FGL1: variants seen among roughly 807,000 people sequenced by gnomAD.
The protein encoded by FGL1 is fibrinogen-like protein 1.
A neutral mutation model predicts 43.7 loss-of-function variants in FGL1; 59 were observed. The ratio of observed to expected loss-of-function variants is 1.35; its 90% CI spans 1.10 to 1.68. FGL1 has a LOEUF of 1.68. FGL1 is among the 40% of genes most tolerant of loss of function. The probability of loss-of-function intolerance (pLI) is 0.00; values close to 1 mark genes in which losing one functional copy is unlikely to be tolerated. For synonymous variants in FGL1, 192 were observed against 126.5 expected, an observed-to-expected ratio of 1.52 and a Z score of -3.48; for missense variants, 596 against 373.0, an observed-to-expected ratio of 1.60 and a Z score of -4.92.
At chr8:17,874,664 G>A in intron 3 of FGL1, 143 bp from the exon 4 acceptor site, 1 of 493,840 alleles carries the variant, frequency 2.0e-6, no homozygotes, top group Non-Finnish European at 3.3e-6. Flanking sequence ...ATTGCATCTT[G>A]TACATCTTCC....
intron 3 of FGL1, among the ~76,000 whole-genome samples, chr8:17,875,481 C>CTCTTTCTTTCTTTCTTTTTCTT: frequency 7.7e-6 from 1 of 129,816 alleles, no homozygotes; most frequent in African/African-American, 3.2e-5. Flanking sequence ...AAAGTGATAT[C>CTCTTTCTTTCTTTCTTTTTCTT]TCTTTCTTTC....
At chr8:17,871,101 G>A (rs760872670) in intron 5 of FGL1, among the ~76,000 whole-genome samples, 1 of 152,040 alleles carries the variant, frequency 6.6e-6, no homozygotes, top group Admixed American at 6.6e-5. Context: ...CAATTTCCTT[G>A]CCCCAGGGAG....
rs199781222 is a variant in FGL1, at chr8:17,874,379, G to A, written c.387C>T (p.Gly129=). The change falls in exon 4 of 8, where the codon GGC becomes GGT. Residue 129 remains glycine (G), a synonymous_variant. Coordinates refer to ENST00000427924, the MANE Select transcript of FGL1 (RefSeq NM_004467.4). ...GWTVIQRRSD[G]SENFNRGWKD... ...TAGCACACCTGTTAAAGTTTTCACTGCCATCAGATCGTCTCTGAATTACAG... is the reference window on the plus strand; with the variant it reads ...TAGCACACCTGTTAAAGTTTTCACTACCATCAGATCGTCTCTGAATTACAG... 9.2e-5 allele frequency: 148 copies of A among 1,612,930 alleles called. 2 individuals are homozygous for A. In the East Asian group the frequency reaches 2.7e-3, roughly 29 times the overall value.
chr8:17,888,940 T>G (rs1191347722), intron 1 of FGL1, among the ~76,000 whole-genome samples: 1 of 152,234 alleles, frequency 6.6e-6, no homozygotes, highest in Non-Finnish European at 1.5e-5. Flanking sequence ...ACCTACAGCA[T>G]GCTTTAGTAT....
rs778694966 is a variant in FGL1 at position 17,885,519 on chromosome 8, G to A, written c.36C>T (p.Thr12=). 1.1e-5 allele frequency: 17 copies of A among 1,613,326 alleles called. No individual in the cohort carries two copies. In the Admixed American group the frequency reaches 1.2e-4, roughly 11 times the overall value. The change falls in exon 2 of 8, where the codon ACC becomes ACT. Residue 12 remains threonine (T), a synonymous_variant. Transcript: ENST00000427924. ...AAATTTCCCTGCCCATTGTCAGAGCGGTGGTAACAAGGATGAAACTGAACA... is the reference window on the plus strand; with the variant it reads ...AAATTTCCCTGCCCATTGTCAGAGCAGTGGTAACAAGGATGAAACTGAACA... ...AKVFSFILVT[T]ALTMGREISA... is the part of the protein sequence containing the mutation.
chr8:17,868,550 G>A lies in FGL1; in HGVS notation c.777C>T (p.Asn259=), dbSNP rs1445594684. 1.2e-6 allele frequency: 2 copies of A among 1,609,962 alleles called. No homozygotes were observed. Among genetic ancestry groups the A allele is most frequent in the Non-Finnish European group, 1.7e-6 (2 of 1,178,378 alleles). Reference sequence around the variant, plus strand: ...ACTATGCTCATAAGACATCAAACCTGTTAAACCACCAGCCAGACTGATCTT... The same window carrying A: ...ACTATGCTCATAAGACATCAAACCTATTAAACCACCAGCCAGACTGATCTT... The part of the protein sequence containing the change: ...AEEDQSGWWF[N]RCHSANLNGV... Residue 259 remains asparagine (N), a splice_region_variant and synonymous_variant, in exon 7 of 8, where the codon AAC becomes AAT. Transcript: ENST00000427924.
At chr8:17,867,666 G>A (rs1326218005) in intron 7 of FGL1, among the ~76,000 whole-genome samples, 3 of 152,174 alleles carry the variant, frequency 2.0e-5, no homozygotes, top group Non-Finnish European at 2.9e-5. Flanking sequence ...CTTCTACTAA[G>A]TGTCTTGGGG....
chr8:17,874,151 A>T (rs746134514), intron 4 of FGL1, 35 bp from the exon 5 acceptor site: 1 of 1,560,058 alleles, frequency 6.4e-7, no homozygotes, highest in South Asian at 1.1e-5. Context: ...ATTAGAGCAA[A>T]CTCCATTTGT....
At chr8:17,875,208 A>G (rs970287254) in intron 3 of FGL1, among the ~76,000 whole-genome samples, 2 of 152,338 alleles carry the variant, frequency 1.3e-5, no homozygotes, top group East Asian at 1.9e-4. Context: ...GTTCTAGGGT[A>G]CATGTGCACA....
chr8:17,875,498 T>C (rs190032704), intron 3 of FGL1, among the ~76,000 whole-genome samples: 2,529 of 11,392 alleles, frequency 0.22, 345 homozygotes, highest in African/African-American at 0.34. Flanking sequence ...TTTCTTTCTT[T>C]CTTTCTTTCT....
chr8:17,869,021 C>A lies in FGL1; in HGVS notation c.503-17G>T, dbSNP rs747013658. ...TGTAGTCTTCTAAAAAAGAAACAAG[C>A]AATTATAATTTTTAAAAATGTGTGA... On this transcript the variant is annotated splice_polypyrimidine_tract_variant and intron_variant, in intron 5 of 7. Coordinates refer to ENST00000427924, the MANE Select transcript of FGL1 (RefSeq NM_004467.4). 3.9e-6 allele frequency: 6 copies of A among 1,522,672 alleles called. No individual in the cohort carries two copies. The East Asian group carries it at 1.1e-4, about 29-fold the overall frequency. 94.3% of individuals were successfully genotyped at this position (1,522,672 alleles called of 1,614,324 possible).
intron 3 of FGL1, among the ~76,000 whole-genome samples, chr8:17,876,298 T>C (rs2053455324): frequency 6.6e-6 from 1 of 152,196 alleles, no homozygotes; most frequent in Non-Finnish European, 1.5e-5. Flanking sequence ...CTCTCTTGTT[T>C]TGTTACAGAT....
intron 2 of FGL1, among the ~76,000 whole-genome samples, 154 bp downstream of exon 2, chr8:17,885,338 A>C (rs1007172357): frequency 6.6e-6 from 1 of 152,148 alleles, no homozygotes; most frequent in Non-Finnish European, 1.5e-5. Context: ...GTGCTGCTTT[A>C]CTATGTGTCC....
At chr8:17,869,875 C>T (rs1393778099) in intron 5 of FGL1, among the ~76,000 whole-genome samples, 5 of 152,170 alleles carry the variant, frequency 3.3e-5, no homozygotes, top group Middle Eastern at 3.4e-3. Context: ...TTTGGGAGGC[C>T]GAGGCGGGCG....
In FGL1 at chr8:17,874,366, T is replaced by G; in HGVS notation, c.400A>C (p.Asn134His). ...QRRSDGSENFNRGWKDYENGF... is the reference protein window; with the variant it reads ...QRRSDGSENFHRGWKDYENGF... ...CTTACATCATAATTAGCACACCTGT[T>G]AAAGTTTTCACTGCCATCAGATCGT... The change falls in exon 4 of 8, where the codon AAC becomes CAC. Residue 134 changes from asparagine (N) to histidine (H), a missense_variant. Transcript: ENST00000427924. The G allele has an allele frequency of 6.2e-7, 1 of 1,612,362 alleles. No individual in the cohort carries two copies. The highest frequency in any genetic ancestry group is 8.5e-7 in the Non-Finnish European group (1 of 1,179,460).
intron 5 of FGL1, among the ~76,000 whole-genome samples, chr8:17,871,601 T>C (rs1421306390): frequency 2.0e-5 from 3 of 152,232 alleles, no homozygotes; most frequent in African/African-American, 7.2e-5. Context: ...AAATTATATT[T>C]ACCATTTCTA....
At chr8:17,882,748 T>TATATATAATATATAATATATTAAACA (rs1563457518) in intron 2 of FGL1, 5 of 103,146 alleles carry the variant, frequency 4.8e-5, no homozygotes, top group African/African-American at 2.7e-4. Flanking sequence ...TAATATATAA[T>TATATATAATATATAATATATTAAACA]ATATATAATA....
intron 5 of FGL1, among the ~76,000 whole-genome samples, chr8:17,870,142 A>T (rs2053336236): frequency 6.6e-6 from 1 of 152,178 alleles, no homozygotes; most frequent in Admixed American, 6.5e-5. Context: ...AAAAGAATAC[A>T]ATGTATTGGG....
At chr8:17,875,335 T>C (rs1470155068) in intron 3 of FGL1, among the ~76,000 whole-genome samples, 2 of 152,160 alleles carry the variant, frequency 1.3e-5, no homozygotes, top group Admixed American at 1.3e-4. Flanking sequence ...CCACTGAAGT[T>C]TCTAAAAGTC....
Sources: gnomAD v4.1 joint callset for allele counts (sites outside exome capture counted in the v4.1 genomes callset) on GRCh38, gnomAD v4.1.1 for gene constraint, MANE v1.5 for transcripts, NCBI Gene and HGNC (gene_info 2026-07-23, HGNC 2026-07-21) for gene names.